IRAK2: variants seen among roughly 807,000 people sequenced by gnomAD.
IRAK2 encodes interleukin-1 receptor-associated kinase-like 2.
IRAK2 carries 57 observed loss-of-function variants against 72.0 expected under a neutral mutation model. That is an observed-to-expected ratio of 0.79 (90% CI 0.64 to 0.99). The LOEUF (loss-of-function observed/expected upper bound fraction) is 0.99, where lower values mean the gene tolerates loss of function less well. Ranked by LOEUF, IRAK2 falls within the 50% of genes least tolerant of loss-of-function variation. The probability of loss-of-function intolerance (pLI) is 0.00; values close to 1 mark genes in which losing one functional copy is unlikely to be tolerated. For missense variants in IRAK2, 790 were observed against 794.4 expected (o/e 0.99, Z 0.07); for synonymous variants, 293 against 312.7 (o/e 0.94, Z 0.67).
intron 11 of IRAK2, among the ~76,000 whole-genome samples, chr3:10,235,238 A>G (rs1284183931): frequency 6.6e-6 from 1 of 152,058 alleles, no homozygotes; most frequent in Non-Finnish European, 1.5e-5. Flanking sequence ...GGGGTAAGAG[A>G]TTTTTTTGGA....
intron 7 of IRAK2, among the ~76,000 whole-genome samples, chr3:10,217,249 G>C (rs957944135): frequency 6.6e-6 from 1 of 152,118 alleles, no homozygotes; most frequent in Non-Finnish European, 1.5e-5. Context: ...AAATTGGAAC[G>C]ATACAGAGAA....
chr3:10,230,064 C>G (rs1426275968), intron 10 of IRAK2, among the ~76,000 whole-genome samples: 1 of 151,910 alleles, frequency 6.6e-6, no homozygotes, highest in Non-Finnish European at 1.5e-5. Flanking sequence ...TGCCACAGCA[C>G]TCCAGCCTGG....
chr3:10,216,718 G>A (rs1575979946), intron 6 of IRAK2, among the ~76,000 whole-genome samples: 1 of 152,152 alleles, frequency 6.6e-6, no homozygotes, highest in Admixed American at 6.6e-5. Context: ...ATGTGTTGCA[G>A]AGCAGTAAAG....
chr3:10,236,399 G>C (rs1697961733), intron 11 of IRAK2, among the ~76,000 whole-genome samples: 1 of 135,802 alleles, frequency 7.4e-6, no homozygotes, highest in Non-Finnish European at 1.5e-5. Flanking sequence ...CCAGGCTACA[G>C]TGTAGTGGTG....
At chr3:10,178,791 T>C (rs1208877718) in intron 2 of IRAK2, among the ~76,000 whole-genome samples, 1 of 152,180 alleles carries the variant, frequency 6.6e-6, no homozygotes, top group Non-Finnish European at 1.5e-5. Flanking sequence ...ATTATATATC[T>C]GCAATTCCTT....
At position 10,226,420 on chromosome 3, in the gene IRAK2, G is replaced by A. The variant is rs1697776530; in HGVS notation, c.1259G>A (p.Ser420Asn). 6.2e-7 allele frequency: 1 copy of A among 1,613,350 alleles called. No individual in the cohort carries two copies. The highest frequency in any genetic ancestry group is 8.5e-7 in the Non-Finnish European group (1 of 1,179,692). Reference sequence around the variant, plus strand: ...ATCCCTGCAATGGATAACAACCGAAGCCCGGTTTACCTGGTAAGGGAACTT... The same window carrying A: ...ATCCCTGCAATGGATAACAACCGAAACCCGGTTTACCTGGTAAGGGAACTT... ...TGIPAMDNNR[S>N]PVYLKDLLLS... Residue 420 changes from serine to asparagine, a missense_variant, in exon 10 of 13, where the codon AGC (serine) becomes AAC (asparagine). Coordinates refer to ENST00000256458, the MANE Select transcript of IRAK2 (RefSeq NM_001570.4).
chr3:10,221,774 G>T (rs972014327), intron 8 of IRAK2, among the ~76,000 whole-genome samples: 2 of 152,086 alleles, frequency 1.3e-5, no homozygotes, highest in African/African-American at 4.8e-5. Flanking sequence ...TGATCCTCCT[G>T]TCTCGGCCTC....
intron 12 of IRAK2, among the ~76,000 whole-genome samples, chr3:10,240,564 T>TTA (rs1698041239): frequency 3.3e-5 from 1 of 30,290 alleles, no homozygotes; most frequent in Non-Finnish European, 5.6e-5. Context: ...CCGCCTTTTT[T>TTA]TTTTTTTGTT....
chr3:10,214,391 C>CTTTTTTTT (rs534445139), intron 6 of IRAK2, among the ~76,000 whole-genome samples: 5 of 95,410 alleles, frequency 5.2e-5, no homozygotes, highest in Non-Finnish European at 8.0e-5. Context: ...TCATTTTTTG[C>CTTTTTTTT]TTTTTTTTTT....
chr3:10,171,199 G>A (rs1024727192), intron 1 of IRAK2, among the ~76,000 whole-genome samples: 5 of 152,168 alleles, frequency 3.3e-5, no homozygotes, highest in Non-Finnish European at 5.9e-5. Flanking sequence ...GGGGCTCGGC[G>A]CAGGGGCTCT....
At position 10,200,454 on chromosome 3, in the gene IRAK2, A is replaced by G. The variant is rs746654677; in HGVS notation, c.363A>G (p.Arg121=). The G allele has an allele frequency of 1.2e-6, 2 of 1,608,920 alleles. No homozygotes were observed. The highest frequency in any genetic ancestry group is 2.7e-5 in the African/African-American group (2 of 74,902). Residue 121 remains arginine, a synonymous_variant, in exon 3 of 13, where the codon AGA becomes AGG. Transcript: ENST00000256458. The part of the protein sequence containing the change: ...KPEKPLAASV[R]KAEDEQEEGQ... ...AAAAGCCTTTGGCAGCTTCTGTAAG[A>G]AAGGCTGAGGATGAACAGGAAGAGG...
Position 10,185,031 on chromosome 3 carries a change from A to G in IRAK2, c.277+7011A>G, listed in dbSNP as rs1313235181. On this transcript the variant is annotated intron_variant, in intron 2 of 12. Transcript: ENST00000256458. ...CAGGCGTGAGCCCCTGCGCCGGGCCAAAACTCCATTCCCAGGTAAAGGAGT... is the reference window on the plus strand; with the variant it reads ...CAGGCGTGAGCCCCTGCGCCGGGCCGAAACTCCATTCCCAGGTAAAGGAGT... 2.7e-5 allele frequency among the ~76,000 whole-genome samples: 4 copies of G among 150,310 alleles called. No homozygotes were observed. The East Asian group carries it at 6.0e-4, about 22-fold the overall frequency.
intron 10 of IRAK2, among the ~76,000 whole-genome samples, chr3:10,230,290 C>G (rs561071832): frequency 8.6e-5 from 13 of 151,790 alleles, no homozygotes; most frequent in African/African-American, 2.2e-4. Flanking sequence ...TACCCCCCCC[C>G]ACCGACAAGG....
At chr3:10,180,709 G>A (rs1696947818) in intron 2 of IRAK2, among the ~76,000 whole-genome samples, 1 of 152,094 alleles carries the variant, frequency 6.6e-6, no homozygotes, top group Non-Finnish European at 1.5e-5. Flanking sequence ...AGGGGGGACT[G>A]GGAGCAAAGG....
At position 10,165,794 on chromosome 3, in the gene IRAK2, G is replaced by C. The variant is rs370910326; in HGVS notation, c.94+746G>C. ...CGCCCAGGCTGGAGTGCAGTGGCGC[G>C]ATCTAGGCTCGTTGCAAGCTCCGCC... is the stretch of plus-strand genomic sequence containing the variant. On this transcript the variant is annotated intron_variant, in intron 1 of 12. Coordinates refer to ENST00000256458, the MANE Select transcript of IRAK2 (RefSeq NM_001570.4). Among the ~76,000 whole-genome samples the C allele has an allele frequency of 7.1e-5, 10 of 141,690 alleles. No individual in the cohort carries two copies. In the South Asian group the frequency reaches 1.3e-3, roughly 19 times the overall value. 93.0% of individuals were successfully genotyped at this position (141,690 alleles called of 152,430 possible).
In IRAK2 at chr3:10,213,330, C is replaced by A. The variant is rs1697553096; in HGVS notation, c.652C>A (p.Gln218Lys). ...CTTCAATCAAAACCGCAAAATCAGC[C>A]AGGGGACCTTTGCTGACGTCTACAG... ...DDFNQNRKIS[Q>K]GTFADVYRGH... The change falls in exon 5 of 13, where the codon CAG becomes AAG. Residue 218 changes from glutamine (Q) to lysine (K), a missense_variant. Gln to Lys is a moderately conservative substitution (Grantham distance 53). Coordinates refer to ENST00000256458, the MANE Select transcript of IRAK2 (RefSeq NM_001570.4). 2 of 1,614,108 alleles carry A rather than the reference C, an allele frequency of 1.2e-6. No homozygotes were observed. Among genetic ancestry groups the A allele is most frequent in the East Asian group, 4.5e-5 (2 of 44,882 alleles).
chr3:10,212,290 AG>A (rs1393756877), intron 4 of IRAK2, among the ~76,000 whole-genome samples: 3 of 151,926 alleles, frequency 2.0e-5, no homozygotes, highest in Admixed American at 1.3e-4. Flanking sequence ...AAACATTATG[AG>A]TTTTTTTTGC....
intron 2 of IRAK2, among the ~76,000 whole-genome samples, chr3:10,190,147 G>A (rs909031329): frequency 6.6e-6 from 1 of 150,786 alleles, no homozygotes; most frequent in Non-Finnish European, 1.5e-5. Context: ...GACCTTACCC[G>A]CTTCTTGGTA....
chr3:10,168,287 T>C (rs1448863058), intron 1 of IRAK2, among the ~76,000 whole-genome samples: 2 of 151,718 alleles, frequency 1.3e-5, no homozygotes, highest in Admixed American at 1.3e-4. Flanking sequence ...CTCGGCTCGC[T>C]GCAACCTTAG....
Sources: gnomAD v4.1 joint callset for allele counts (sites outside exome capture counted in the v4.1 genomes callset) on GRCh38, gnomAD v4.1.1 for gene constraint, MANE v1.5 for transcripts, NCBI Gene and HGNC (gene_info 2026-07-23, HGNC 2026-07-21) for gene names.